ARHGAP24: variants seen among roughly 807,000 people sequenced by gnomAD.
ARHGAP24 encodes Rho GTPase activating protein 24, also known as rho GTPase-activating protein 24.
A neutral mutation model predicts 76.4 loss-of-function variants in ARHGAP24; 50 were observed. That is an observed-to-expected ratio of 0.65 (90% confidence interval 0.52 to 0.83). The LOEUF (loss-of-function observed/expected upper bound fraction) is 0.83, where lower values mean the gene tolerates loss of function less well. Among genes scored for constraint, ARHGAP24 ranks in the 40% least tolerant of loss-of-function variants. The probability of loss-of-function intolerance (pLI) is 0.00; values close to 1 mark genes in which losing one functional copy is unlikely to be tolerated. For missense variants in ARHGAP24, 930 were observed against 914.2 expected, an observed-to-expected ratio of 1.02 and a Z score of -0.22; for synonymous variants, 345 against 323.3, an observed-to-expected ratio of 1.07 and a Z score of -0.72.
chr4:85,758,639 G>A (rs760499001), intron 3 of ARHGAP24, among the ~76,000 whole-genome samples: 8 of 152,326 alleles, frequency 5.3e-5, no homozygotes, highest in African/African-American at 1.2e-4. Context: ...ACATGGGTGC[G>A]TTGGAGGAAG....
intron 2 of ARHGAP24, among the ~76,000 whole-genome samples, chr4:85,618,190 C>G (rs1480223534): frequency 6.6e-6 from 1 of 152,150 alleles, no homozygotes; most frequent in Non-Finnish European, 1.5e-5. Context: ...CTATTCTCTA[C>G]TTCTGTGACT....
chr4:85,780,487 T>G (rs1289830491), intron 3 of ARHGAP24, among the ~76,000 whole-genome samples: 1 of 147,142 alleles, frequency 6.8e-6, no homozygotes, highest in Non-Finnish European at 1.5e-5. Flanking sequence ...TTAATTCTTG[T>G]ATTATTTTTA....
chr4:85,879,055 G>A (rs1042735184), intron 3 of ARHGAP24, among the ~76,000 whole-genome samples: 1 of 152,210 alleles, frequency 6.6e-6, no homozygotes, highest in Non-Finnish European at 1.5e-5. Context: ...GAAGAAGGGA[G>A]TTGAAATTTT....
intron 1 of ARHGAP24, among the ~76,000 whole-genome samples, chr4:85,496,479 GAAGA>G (rs1723589114): frequency 1.3e-5 from 2 of 152,204 alleles, no homozygotes; most frequent in Non-Finnish European, 1.5e-5. Context: ...ACTCTTCTCT[GAAGA>G]AATATATTTC....
At chr4:85,894,033 G>A (rs796140932) in intron 3 of ARHGAP24, among the ~76,000 whole-genome samples, 3 of 144,798 alleles carry the variant, frequency 2.1e-5, no homozygotes, top group African/African-American at 5.2e-5. Context: ...GCACCAGCAT[G>A]GCACATGTAT....
intron 1 of ARHGAP24, among the ~76,000 whole-genome samples, chr4:85,516,673 T>C (rs190543004): frequency 3.3e-3 from 363 of 108,940 alleles, no homozygotes; most frequent in Admixed American, 8.5e-3. Context: ...AGCTTTTATC[T>C]ATTAAAGTTT....
intron 3 of ARHGAP24, among the ~76,000 whole-genome samples, chr4:85,752,547 GGC>G (rs1726303302): frequency 6.6e-6 from 1 of 152,090 alleles, no homozygotes; most frequent in Admixed American, 6.6e-5. Context: ...TAAATATTAA[GGC>G]ACAGCACTTT....
At chr4:85,620,398 C>T (rs1720677150) in intron 2 of ARHGAP24, among the ~76,000 whole-genome samples, 1 of 151,858 alleles carries the variant, frequency 6.6e-6, no homozygotes, top group South Asian at 2.1e-4. Flanking sequence ...ATGTTCCCGG[C>T]AATTCATCCA....
At chr4:85,720,382 G>C (rs1190985813) in intron 2 of ARHGAP24, among the ~76,000 whole-genome samples, 1 of 152,190 alleles carries the variant, frequency 6.6e-6, no homozygotes, top group Non-Finnish European at 1.5e-5. Flanking sequence ...GGTAGTAGTA[G>C]AGATACATAG....
rs1203860670 is a variant in ARHGAP24, at chr4:85,738,399, TATTATC to T, written c.268+16433_268+16438del. Among the ~76,000 whole-genome samples, 396 of 143,630 alleles carry T rather than the reference TATTATC, an allele frequency of 2.8e-3. 3 individuals carry two copies. Among genetic ancestry groups the T allele is most frequent in the African/African-American group, 0.01 (373 of 37,192 alleles). 94.2% of individuals were successfully genotyped at this position (143,630 alleles called of 152,430 possible). Reference sequence around the variant, plus strand: ...TTATTATTATTATTATTATTATTATTATTATCATTATTATTATTATTATTGTCAGGT... The same window carrying T: ...TTATTATTATTATTATTATTATTATTATTATTATTATTATTATTGTCAGGT... On this transcript the variant is annotated intron_variant, in intron 3 of 9. Transcript: ENST00000395184.
At chr4:85,798,312 C>T (rs945746370) in intron 3 of ARHGAP24, among the ~76,000 whole-genome samples, 2 of 152,132 alleles carry the variant, frequency 1.3e-5, no homozygotes, top group South Asian at 2.1e-4. Context: ...GATTACATTT[C>T]ATATAAAATT....
intron 3 of ARHGAP24, among the ~76,000 whole-genome samples, chr4:85,791,708 G>C (rs1728136830): frequency 1.3e-5 from 2 of 152,194 alleles, no homozygotes; most frequent in Non-Finnish European, 2.9e-5. Context: ...ATGAGCTAAG[G>C]ACTCTGCTGA....
At chr4:85,529,458 C>T (rs141943824) in intron 1 of ARHGAP24, among the ~76,000 whole-genome samples, 2 of 152,156 alleles carry the variant, frequency 1.3e-5, no homozygotes, top group Non-Finnish European at 2.9e-5. Context: ...TGAAGTTCAA[C>T]TGGCCAGAAA....
intron 2 of ARHGAP24, among the ~76,000 whole-genome samples, chr4:85,683,112 GGGGGTGGGGGGGGGGTGC>G: frequency 9.7e-6 from 1 of 103,428 alleles, no homozygotes; most frequent in Non-Finnish European, 2.0e-5. Flanking sequence ...CAGTGTGTGG[GGGGGTGGGGGGGGGGTGC>G]GGGGGCTGTA....
chr4:85,995,876 C>T (rs1220404064), intron 9 of ARHGAP24, among the ~76,000 whole-genome samples: 1 of 152,068 alleles, frequency 6.6e-6, no homozygotes, highest in Non-Finnish European at 1.5e-5. Flanking sequence ...GTATCTACCT[C>T]AAAAGCACAT....
chr4:85,956,786 G>C (rs1019727150), intron 5 of ARHGAP24, among the ~76,000 whole-genome samples: 1 of 152,140 alleles, frequency 6.6e-6, no homozygotes, highest in Non-Finnish European at 1.5e-5. Flanking sequence ...GGAAGTCAGC[G>C]GCAGGCAGCA....
chr4:85,988,593 A>G (rs939229556), intron 8 of ARHGAP24, among the ~76,000 whole-genome samples: 8 of 151,582 alleles, frequency 5.3e-5, no homozygotes, highest in Admixed American at 1.3e-4. Context: ...ATAAAATGGA[A>G]TGTTATATAA....
At chr4:85,930,116 C>T (rs1346206520) in intron 4 of ARHGAP24, among the ~76,000 whole-genome samples, 1 of 152,220 alleles carries the variant, frequency 6.6e-6, no homozygotes, top group African/African-American at 2.4e-5. Context: ...TGAGGAGCAA[C>T]CGCAGCCCTG....
chr4:85,952,497 C>CTT (rs993507103), intron 5 of ARHGAP24, among the ~76,000 whole-genome samples: 1 of 152,132 alleles, frequency 6.6e-6, no homozygotes, highest in Admixed American at 6.5e-5. Flanking sequence ...AGAAGAAACA[C>CTT]TTTGTCCTGT....
Sources: gnomAD v4.1 joint callset for allele counts (sites outside exome capture counted in the v4.1 genomes callset) on GRCh38, gnomAD v4.1.1 for gene constraint, MANE v1.5 for transcripts, NCBI Gene and HGNC (gene_info 2026-07-23, HGNC 2026-07-21) for gene names.